MAF: variants seen among roughly 807,000 people sequenced by gnomAD.
MAF encodes the protein MAF bZIP transcription factor, also known as transcription factor Maf.
In MAF, 10 loss-of-function variants were observed where a neutral mutation model predicts 22.0. The observed-to-expected ratio is 0.45, with a 90% CI of 0.28 to 0.77. MAF has a LOEUF of 0.77. Among genes scored for constraint, MAF ranks in the 30% least tolerant of loss-of-function variants. The pLI is 0.12. For missense variants in MAF, 544 were observed against 548.4 expected (o/e 0.99, Z 0.08); for synonymous variants, 337 against 255.8 (o/e 1.32, Z -3.03).
At chr16:79,428,924 T>C in the MAF span, among the ~76,000 whole-genome samples, 1 of 151,994 alleles carries the variant, frequency 6.6e-6, no homozygotes, top group South Asian at 2.1e-4. Flanking sequence ...GCCAATGGCA[T>C]AGCTGCAATT....
At chr16:79,535,006 T>A in the MAF span, among the ~76,000 whole-genome samples, 2 of 152,348 alleles carry the variant, frequency 1.3e-5, no homozygotes, top group Middle Eastern at 3.4e-3. Context: ...TTAGGTAAAC[T>A]GCTCTTACAT....
chr16:79,338,503 G>A, the MAF span, among the ~76,000 whole-genome samples: 90 of 152,284 alleles, frequency 5.9e-4, no homozygotes, highest in African/African-American at 1.6e-3. Flanking sequence ...GGCAAATCTC[G>A]CGGTTAAAGA....
chr16:79,286,250 A>G, the MAF span, among the ~76,000 whole-genome samples: 691 of 152,342 alleles, frequency 4.5e-3, 1 homozygote, highest in Non-Finnish European at 7.1e-3. Context: ...CTCTCCCCAG[A>G]AAGTCTATCT....
At chr16:79,478,758 C>T in the MAF span, among the ~76,000 whole-genome samples, 2 of 152,082 alleles carry the variant, frequency 1.3e-5, no homozygotes, top group Non-Finnish European at 2.9e-5. Flanking sequence ...CATCCTAGTC[C>T]ACTTGGGCAC....
the MAF span, among the ~76,000 whole-genome samples, chr16:79,567,285 T>G: frequency 6.6e-6 from 1 of 151,862 alleles, no homozygotes; most frequent in African/African-American, 2.4e-5. Context: ...GCCATTGCAC[T>G]GTAGCCTGGG....
chr16:79,366,971 T>C, the MAF span, among the ~76,000 whole-genome samples: 54 of 152,348 alleles, frequency 3.5e-4, 1 homozygote, highest in East Asian at 9.4e-3. Context: ...TCTGTAAATA[T>C]TAGTTGCCAT....
the MAF span, among the ~76,000 whole-genome samples, chr16:79,299,656 C>G: frequency 2.6e-5 from 4 of 152,116 alleles, no homozygotes; most frequent in South Asian, 8.3e-4. Context: ...CTGAGACCAG[C>G]GTCCTGCACA....
the MAF span, among the ~76,000 whole-genome samples, chr16:79,224,828 G>C: frequency 6.6e-6 from 1 of 152,116 alleles, no homozygotes; most frequent in South Asian, 2.1e-4. Context: ...CCTCTTCAAG[G>C]AGAACTACAA....
the MAF span, among the ~76,000 whole-genome samples, chr16:79,535,281 T>G: frequency 5.9e-5 from 9 of 151,940 alleles, no homozygotes; most frequent in African/African-American, 2.2e-4. Flanking sequence ...GGATGGCGCC[T>G]CGGTTTTCTG....
the MAF span, among the ~76,000 whole-genome samples, chr16:79,406,405 G>A: frequency 1.3e-5 from 2 of 152,282 alleles, no homozygotes; most frequent in East Asian, 1.9e-4. Flanking sequence ...CAGTTCTAGA[G>A]GCTGGGAAGT....
chr16:79,428,494 G>GAGAGAGAC, the MAF span, among the ~76,000 whole-genome samples: 1 of 152,178 alleles, frequency 6.6e-6, no homozygotes, highest in East Asian at 1.9e-4. Context: ...CGAGGAGATA[G>GAGAGAGAC]AGAGAGACAG....
the MAF span, among the ~76,000 whole-genome samples, chr16:79,382,178 T>C: frequency 6.6e-6 from 1 of 151,982 alleles, no homozygotes; most frequent in Non-Finnish European, 1.5e-5. Context: ...TGTCAGAGGG[T>C]TTTCATTTTT....
chr16:79,344,083 C>A, the MAF span, among the ~76,000 whole-genome samples: 1 of 152,208 alleles, frequency 6.6e-6, no homozygotes, highest in Non-Finnish European at 1.5e-5. Flanking sequence ...CTTCCAAGAG[C>A]TGATCCAAGG....
the MAF span, among the ~76,000 whole-genome samples, chr16:79,554,856 C>A: frequency 6.6e-6 from 1 of 152,124 alleles, no homozygotes; most frequent in Admixed American, 6.5e-5. Context: ...ACTGATTCTG[C>A]GTGATTTTTC....
chr16:79,382,862 G>A, the MAF span, among the ~76,000 whole-genome samples: 8 of 152,236 alleles, frequency 5.3e-5, no homozygotes, highest in Admixed American at 1.3e-4. Context: ...GTGATGGGAT[G>A]TAAGCAGGTG....
the MAF span, among the ~76,000 whole-genome samples, chr16:79,340,157 G>C: frequency 6.6e-6 from 1 of 152,006 alleles, no homozygotes; most frequent in Admixed American, 6.5e-5. Flanking sequence ...GGACGGAGGA[G>C]GAGGTGATTT....
chr16:79,409,893 C>A, the MAF span, among the ~76,000 whole-genome samples: 1 of 152,198 alleles, frequency 6.6e-6, no homozygotes, highest in Non-Finnish European at 1.5e-5. Context: ...TTGGCTAGTA[C>A]GACCCCTAAA....
chr16:79,430,691 C>T, the MAF span, among the ~76,000 whole-genome samples: 1 of 152,122 alleles, frequency 6.6e-6, no homozygotes. Context: ...TCAAAAGTGC[C>T]CGGCTAGGCC....
the MAF span, among the ~76,000 whole-genome samples, chr16:79,332,537 G>A: frequency 6.6e-6 from 1 of 152,198 alleles, no homozygotes; most frequent in Admixed American, 6.5e-5. Context: ...TGACTTCAAT[G>A]ATCTACCCAC....
Sources: allele counts gnomAD v4.1 joint callset (sites outside exome capture counted in the v4.1 genomes callset), GRCh38; gene constraint gnomAD v4.1.1; transcripts MANE v1.5; gene names NCBI Gene and HGNC (gene_info 2026-07-23, HGNC 2026-07-21).